ZNF527: variants seen among roughly 807,000 people sequenced by gnomAD.
ZNF527 encodes the protein zinc finger protein 527.
Under a neutral mutation model 13.5 loss-of-function variants are expected in ZNF527, and 5 were observed. The observed-to-expected ratio is 0.37, with a 90% confidence interval of 0.19 to 0.78. ZNF527 has a LOEUF of 0.78. Among genes scored for constraint, ZNF527 ranks in the 30% least tolerant of loss-of-function variants. The pLI, the probability that ZNF527 is intolerant of heterozygous loss-of-function variation, is 0.48. For synonymous variants in ZNF527, 209 were observed against 243.1 expected (o/e 0.86, Z 1.30); for missense variants, 628 against 726.4 (o/e 0.86, Z 1.56).
intron 3 of ZNF527, 159 bp downstream of exon 3, chr19:37,379,405 A>C (rs1015548409): frequency 3.5e-5 from 20 of 564,592 alleles, no homozygotes; most frequent in Non-Finnish European, 4.4e-5. Flanking sequence ...TATTTGCTTA[A>C]ATTTTAATTA....
chr19:37,376,222 T>C (rs2040606643), intron 2 of ZNF527, among the ~76,000 whole-genome samples: 1 of 152,004 alleles, frequency 6.6e-6, no homozygotes, highest in Admixed American at 6.5e-5. Context: ...TGGCGGCAGA[T>C]GCCTATAGTC....
In ZNF527 at chr19:37,389,698, G is replaced by T; in HGVS notation, c.1649G>T (p.Gly550Val). ...YLNQHQRIHT[G>V]EKPYECSECG... is the part of the protein sequence containing the mutation. ...AATCAACATCAAAGAATTCATACTG[G>T]AGAGAAACCCTATGAATGTAGTGAA... Residue 550 changes from glycine (G) to valine (V), a missense_variant, in exon 5 of 5, where the codon GGA becomes GTA. Physicochemically the swap from Gly to Val is moderately radical, Grantham distance 109. Transcript: ENST00000436120. The T allele has an allele frequency of 1.2e-6, 2 of 1,614,048 alleles. No homozygotes were observed. Among genetic ancestry groups the T allele is most frequent in the South Asian group, 2.2e-5 (2 of 91,080 alleles).
intron 2 of ZNF527, among the ~76,000 whole-genome samples, chr19:37,375,244 TTC>T (rs1440995680): frequency 2.2e-5 from 1 of 45,122 alleles, no homozygotes; most frequent in Non-Finnish European, 4.4e-5. Flanking sequence ...TTAGTGTATT[TTC>T]TTTCTTTCTT....
rs2040761119 is a variant in ZNF527 at position 37,392,296 on chromosome 19, T to A, written c.*2417T>A. ...CTGAGTAATAATTTATTTCAGAAAG[T>A]TTCAGAAGGTTACAGTAAACTTTAC... is the stretch of plus-strand genomic sequence containing the variant. On this transcript the variant is annotated 3_prime_UTR_variant, in exon 5 of 5. Coordinates refer to ENST00000436120, the MANE Select transcript of ZNF527 (RefSeq NM_032453.2). The A allele has an allele frequency of 6.6e-6, 1 of 152,194 alleles. No homozygotes were observed. The highest frequency in any genetic ancestry group is 1.5e-5 in the Non-Finnish European group (1 of 68,022). The allele number at this position is 152,194 out of a possible 1,614,324, so 9.4% of individuals were successfully genotyped here.
chr19:37,383,592 G>A (rs188332859), intron 4 of ZNF527, among the ~76,000 whole-genome samples: 41 of 150,302 alleles, frequency 2.7e-4, no homozygotes, highest in African/African-American at 9.3e-4. Flanking sequence ...AGGCTGGAGT[G>A]CAGTGGCGCA....
chr19:37,380,083 A>G (rs1364451948), intron 3 of ZNF527, 194 bp from the exon 4 acceptor site: 12 of 1,119,328 alleles, frequency 1.1e-5, no homozygotes, highest in Middle Eastern at 3.3e-4. Flanking sequence ...TTTGAGAACC[A>G]CTGTCACGGC....
At chr19:37,376,378 A>C (rs1041544720) in intron 2 of ZNF527, among the ~76,000 whole-genome samples, 2 of 151,728 alleles carry the variant, frequency 1.3e-5, no homozygotes, top group African/African-American at 4.8e-5. Context: ...AAAAAATAAA[A>C]ATAAAAAGGC....
chr19:37,392,474 CAACT>C lies in ZNF527; in HGVS notation c.*2596_*2599del, dbSNP rs912639603. On this transcript the variant is annotated 3_prime_UTR_variant, in exon 5 of 5. Coordinates refer to ENST00000436120, the MANE Select transcript of ZNF527 (RefSeq NM_032453.2). ...ACACAATCATGGCTCACTGCAGCCT[CAACT>C]TCCCAGGCTCAAGCGACCCTCCCAC... is the stretch of plus-strand genomic sequence containing the variant. 6.6e-6 allele frequency: 1 copy of C among 152,194 alleles called. No homozygotes were observed. Among genetic ancestry groups the C allele is most frequent in the Non-Finnish European group, 1.5e-5 (1 of 68,054 alleles). The allele number at this position is 152,194 out of a possible 1,614,324, so 9.4% of individuals were successfully genotyped here.
chr19:37,378,302 A>T (rs1380309960), intron 2 of ZNF527, among the ~76,000 whole-genome samples: 2 of 152,138 alleles, frequency 1.3e-5, no homozygotes, highest in Non-Finnish European at 1.5e-5. Flanking sequence ...TGCTGGGATT[A>T]CAGGCGTGAA....
intron 2 of ZNF527, among the ~76,000 whole-genome samples, chr19:37,378,349 T>TA (rs1460697490): frequency 2.0e-5 from 3 of 152,016 alleles, no homozygotes; most frequent in Non-Finnish European, 4.4e-5. Flanking sequence ...TATTTTTGAT[T>TA]AAAAAAAGAG....
At chr19:37,377,300 TCA>T (rs1276076780) in intron 2 of ZNF527, among the ~76,000 whole-genome samples, 3 of 152,246 alleles carry the variant, frequency 2.0e-5, no homozygotes, top group Admixed American at 2.0e-4. Flanking sequence ...TTATTCATAG[TCA>T]CAGAGGGCAG....
rs1428364476 is a variant in ZNF527 at position 37,380,037 on chromosome 19, T to G, written c.161-240T>G. 9.3e-6 allele frequency: 5 copies of G among 534,840 alleles called. No individual in the cohort carries two copies. The East Asian group carries it at 2.3e-4, about 24-fold the overall frequency. The allele number at this position is 534,840 out of a possible 1,614,324, so 33.1% of individuals were successfully genotyped here. A position where few individuals can be genotyped will look rare whatever the true frequency, so the allele number is the denominator to read the frequency against. ...GCGGCCTGAGAATGTGCATTTCTAA[T>G]TAGTTCCTAGGTGATGGCTGCAGCT... is the stretch of plus-strand genomic sequence containing the variant. On this transcript the variant is annotated intron_variant, in intron 3 of 4. Coordinates refer to ENST00000436120, the MANE Select transcript of ZNF527 (RefSeq NM_032453.2).
intron 2 of ZNF527, among the ~76,000 whole-genome samples, chr19:37,378,294 C>T (rs939674583): frequency 6.6e-6 from 1 of 152,138 alleles, no homozygotes; most frequent in Non-Finnish European, 1.5e-5. Context: ...TCCCAAAGTG[C>T]TGGGATTACA....
In ZNF527 at chr19:37,389,509, G is replaced by T; in HGVS notation, c.1460G>T (p.Arg487Leu). The change falls in exon 5 of 5, where the codon CGA becomes CTA. Residue 487 changes from arginine to leucine, a missense_variant. By Grantham distance (102) the Arg-to-Leu change is moderately radical. Transcript: ENST00000436120. The part of the protein sequence containing the change: ...KFFRTDSQLN[R>L]HHRIHTGERP... ...TTTAGGACTGACTCACAACTTAATC[G>T]ACATCATAGAATTCACACTGGAGAG... 6 of 1,613,624 alleles carry T rather than the reference G, an allele frequency of 3.7e-6. No individual in the cohort carries two copies. The highest frequency in any genetic ancestry group is 5.1e-6 in the Non-Finnish European group (6 of 1,179,944).
At chr19:37,376,650 G>C (rs974217245) in intron 2 of ZNF527, among the ~76,000 whole-genome samples, 3 of 148,570 alleles carry the variant, frequency 2.0e-5, no homozygotes, top group Non-Finnish European at 4.5e-5. Flanking sequence ...CTCCAGCCTG[G>C]GGCCTGGGTG....
chr19:37,389,090 A>T lies in ZNF527; in HGVS notation c.1041A>T (p.Gln347His), dbSNP rs780357867. 21 of 1,614,188 alleles carry T rather than the reference A, an allele frequency of 1.3e-5. No homozygotes were observed. Among genetic ancestry groups the T allele is most frequent in the East Asian group, 2.2e-5 (1 of 44,886 alleles). ...TCAGACAGAGTGCTCACCTTGCTCA[A>T]CATCAGAGGATCCACACTGGAGAGA... ...KAFRQSAHLA[Q>H]HQRIHTGEKP... is the part of the protein sequence containing the mutation. The change falls in exon 5 of 5, where the codon CAA becomes CAT. Residue 347 changes from glutamine (Q) to histidine (H), a missense_variant. Physicochemically the swap from Gln to His is conservative, Grantham distance 24. This residue lies in a region of ZNF527 where 592 missense variants were observed against 678.0 expected (regional missense o/e 0.87). Transcript: ENST00000436120.
At position 37,380,298 on chromosome 19, in the gene ZNF527, A is replaced by C; in HGVS notation, c.182A>C (p.Asn61Thr). Residue 61 changes from asparagine (N) to threonine (T), a missense_variant, in exon 4 of 5, where the codon AAC becomes ACC. Asn to Thr is a moderately conservative substitution (Grantham distance 65). Transcript: ENST00000436120. ...ACAGGACTCTCCATTTCTAAGCCCA[A>C]CATGATCTCCTTACTGGAGCAAGGG... ...VWLGLSISKP[N>T]MISLLEQGKE... is the part of the protein sequence containing the mutation. The C allele has an allele frequency of 2.5e-6, 4 of 1,614,060 alleles. No homozygotes were observed. The highest frequency in any genetic ancestry group is 3.4e-6 in the Non-Finnish European group (4 of 1,179,972).
At chr19:37,381,361 GAT>G (rs1316564335) in intron 4 of ZNF527, among the ~76,000 whole-genome samples, 1 of 152,084 alleles carries the variant, frequency 6.6e-6, no homozygotes, top group Non-Finnish European at 1.5e-5. Context: ...GGAATCCTCA[GAT>G]ACGCTTCACT....
intron 2 of ZNF527, among the ~76,000 whole-genome samples, chr19:37,378,726 A>T (rs2040627612): frequency 2.0e-5 from 3 of 152,194 alleles, no homozygotes; most frequent in African/African-American, 7.2e-5. Flanking sequence ...TCTAACTTTC[A>T]GGCCATACCC....
Sources: gnomAD v4.1 joint callset for allele counts (sites outside exome capture counted in the v4.1 genomes callset) on GRCh38, gnomAD v4.1.1 for gene constraint, gnomAD v4.1.1 regional missense constraint, MANE v1.5 for transcripts, NCBI Gene and HGNC (gene_info 2026-07-23, HGNC 2026-07-21) for gene names.